The following LRP2 variants were observed in gnomAD, a reference collection of about 807,000 sequenced individuals.
LRP2 encodes the protein LDL receptor related protein 2.
Under a neutral mutation model 531.0 loss-of-function variants are expected in LRP2, and 172 were observed. The observed-to-expected ratio is 0.32, with a 90% confidence interval of 0.29 to 0.37. The LOEUF (loss-of-function observed/expected upper bound fraction) is 0.37. LRP2 is among the 10% of genes least tolerant of loss of function. The pLI, the probability that LRP2 is intolerant of heterozygous loss-of-function variation, is 1.00. For synonymous variants in LRP2, 1,992 were observed against 2,027.6 expected (o/e 0.98, Z 0.47); for missense variants, 5,167 against 5,868.3 (o/e 0.88, Z 3.90).
In LRP2 at chr2:169,283,008, T is replaced by C. The variant is rs1186981139; in HGVS notation, c.1043-7A>G. 1.2e-6 allele frequency: 2 copies of C among 1,613,898 alleles called. No homozygotes were observed. Among genetic ancestry groups the C allele is most frequent in the Non-Finnish European group, 1.7e-6 (2 of 1,179,854 alleles). On this transcript the variant is annotated splice_polypyrimidine_tract_variant and splice_region_variant and intron_variant, in intron 9 of 78. Coordinates refer to ENST00000649046, the MANE Select transcript of LRP2 (RefSeq NM_004525.3). ...ATCTGGCAATCATCAAACTCTGCCA[T>C]ATGGAAAATACACATTTGTAGTCAA... is the stretch of plus-strand genomic sequence containing the variant.
chr2:169,322,378 G>A (rs183848299), intron 1 of LRP2, among the ~76,000 whole-genome samples: 1 of 152,278 alleles, frequency 6.6e-6, no homozygotes, highest in African/African-American at 2.4e-5. Context: ...CAGAAACTTC[G>A]CTTGGCTAAA....
chr2:169,231,185 T>A (rs1689384121), intron 31 of LRP2, among the ~76,000 whole-genome samples: 1 of 151,630 alleles, frequency 6.6e-6, no homozygotes, highest in Admixed American at 6.6e-5. Flanking sequence ...TCTCATCTAC[T>A]CAGGAGGCTG....
At chr2:169,272,848 T>A in intron 15 of LRP2, 79 bp downstream of exon 15, 2 of 1,574,956 alleles carry the variant, frequency 1.3e-6, no homozygotes, top group Non-Finnish European at 1.7e-6. Flanking sequence ...AGTTCAAGAG[T>A]AGCAGTTAGT....
At position 169,227,483 on chromosome 2, in the gene LRP2, G is replaced by T. The variant is rs80314108; in HGVS notation, c.5228-895C>A. On this transcript the variant is annotated intron_variant, in intron 31 of 78. Transcript: ENST00000649046. Reference sequence around the variant, plus strand: ...TTATCCTGATCCCCATCAAGAGTGGGGTTTTAAAATTCCTCTCTGAGAAAA... The same window carrying T: ...TTATCCTGATCCCCATCAAGAGTGGTGTTTTAAAATTCCTCTCTGAGAAAA... 9.2e-3 allele frequency among the ~76,000 whole-genome samples: 1,405 copies of T among 152,024 alleles called. 25 individuals are homozygous for T. The highest frequency in any genetic ancestry group is 0.033 in the African/African-American group (1,351 of 41,466).
At position 169,162,479 on chromosome 2, in the gene LRP2, C is replaced by T; in HGVS notation, c.11880G>A (p.Leu3960=). The T allele has an allele frequency of 1.2e-6, 2 of 1,614,120 alleles. No individual in the cohort carries two copies. The change falls in exon 63 of 79, where the codon CTG becomes CTA. Residue 3960 remains leucine, a synonymous_variant. Transcript: ENST00000649046. ...ADDCGDWSDE[L]GCNKGKERTC... ...AAACAAGTGTTTACTTACTGCAACCCAGTTCATCGGACCAGTCACCACAGT... is the reference window on the plus strand; with the variant it reads ...AAACAAGTGTTTACTTACTGCAACCTAGTTCATCGGACCAGTCACCACAGT...
chr2:169,140,031 C>A (rs1477952599), intron 72 of LRP2, among the ~76,000 whole-genome samples: 4 of 152,234 alleles, frequency 2.6e-5, no homozygotes, highest in Non-Finnish European at 5.9e-5. Flanking sequence ...CCATCCCAGT[C>A]TTTCTGCTCA....
Position 169,239,615 on chromosome 2 carries a change from C to T in LRP2, c.4206G>A (p.Gln1402=), listed in dbSNP as rs1689732213. Reference sequence around the variant, plus strand: ...AAGAACCTCTCATATTGTAACAGTGCTGGCTACAAGAGCCTAGAATATCAC... The same window carrying T: ...AAGAACCTCTCATATTGTAACAGTGTTGGCTACAAGAGCCTAGAATATCAC... ...DECDILGSCS[Q]HCYNMRGSFR... Residue 1402 remains glutamine, a synonymous_variant, in exon 26 of 79, where the codon CAG becomes CAA. Coordinates refer to ENST00000649046, the MANE Select transcript of LRP2 (RefSeq NM_004525.3). The T allele has an allele frequency of 6.2e-7, 1 of 1,614,114 alleles. No individual in the cohort carries two copies. The highest frequency in any genetic ancestry group is 8.5e-7 in the Non-Finnish European group (1 of 1,179,964).
Position 169,187,843 on chromosome 2 carries a change from T to C in LRP2, c.9328+127A>G, listed in dbSNP as rs1349241611. ...GAAACTTTGGTAACCTTTTGCTATA[T>C]CAGGAATAGTGATTTTATGGTAACT... On this transcript the variant is annotated intron_variant, in intron 49 of 78. Coordinates refer to ENST00000649046, the MANE Select transcript of LRP2 (RefSeq NM_004525.3). 2.4e-5 allele frequency: 25 copies of C among 1,046,060 alleles called. No individual in the cohort carries two copies. The Admixed American group carries it at 4.1e-4, about 17-fold the overall frequency. 64.8% of individuals were successfully genotyped at this position (1,046,060 alleles called of 1,614,324 possible). A position where few individuals can be genotyped will look rare whatever the true frequency, so the allele number is the denominator to read the frequency against.
Position 169,244,644 on chromosome 2 carries a change from A to C in LRP2, c.3430+49T>G, listed in dbSNP as rs767371589. The C allele has an allele frequency of 5.0e-6, 8 of 1,613,184 alleles. No individual in the cohort carries two copies. The Admixed American group carries it at 1.2e-4, about 24-fold the overall frequency. ...GAATGCAAGGCCATTTGGTTGTTGA[A>C]GTCTATTTACGAGGCTGACCAACCA... On this transcript the variant is annotated intron_variant, in intron 22 of 78. Transcript: ENST00000649046.
rs1685179495 is a variant in LRP2, at chr2:169,128,709, G to A, written c.13922C>T (p.Thr4641Ile). Residue 4641 changes from threonine (T) to isoleucine (I), a missense_variant, in exon 79 of 79, where the codon ACT (threonine) becomes ATT (isoleucine). Thr to Ile is a moderately conservative substitution (Grantham distance 89). Around this residue, in one of 6 missense-constraint regions of LRP2, gnomAD observed 348 missense variants for 369.3 expected, o/e 0.94. Transcript: ENST00000649046. ...AACAAGATTTGCGGTGTCTTTAAAA[G>A]TGTCTTCTGTTGCAGAATAGGTTGG... is the stretch of plus-strand genomic sequence containing the variant. ...PTPTYSATED[T>I]FKDTANLVKE... 2 of 1,614,096 alleles carry A rather than the reference G, an allele frequency of 1.2e-6. No homozygotes were observed. The highest frequency in any genetic ancestry group is 4.5e-5 in the East Asian group (2 of 44,880).
At chr2:169,205,741 T>C in intron 40 of LRP2, 104 bp from the exon 41 acceptor site, 2 of 1,196,262 alleles carry the variant, frequency 1.7e-6, no homozygotes, top group South Asian at 2.5e-5. Flanking sequence ...GCCAGTAACA[T>C]GGCAAAAGAA....
chr2:169,309,755 G>T lies in LRP2; in HGVS notation c.311-2358C>A, dbSNP rs573803299. On this transcript the variant is annotated intron_variant, in intron 3 of 78. Transcript: ENST00000649046. ...CTTTAAAGTAGTTTTTTCCAATTCT[G>T]TGAAGAAAGTCATTGGTAGCTTGAT... Among the ~76,000 whole-genome samples, 1,331 of 152,206 alleles carry T rather than the reference G, an allele frequency of 8.7e-3. 14 individuals are homozygous for T. Among genetic ancestry groups the T allele is most frequent in the African/African-American group, 0.029 (1,210 of 41,526 alleles).
intron 16 of LRP2, among the ~76,000 whole-genome samples, chr2:169,261,347 T>C (rs1486397540): frequency 1.3e-5 from 2 of 151,940 alleles, no homozygotes; most frequent in Admixed American, 1.3e-4. Flanking sequence ...TTTTTCTTTT[T>C]CTTTAGAGAC....
At position 169,279,592 on chromosome 2, in the gene LRP2, A is replaced by C; in HGVS notation, c.1345T>G (p.Phe449Val). ...TTTAAACCATTAATGTCAACTGAAA[A>C]AACCTGAAAGAAAAACCAAAATTAT... ...FWTDTVQNKV[F>V]SVDINGLNIQ... Residue 449 changes from phenylalanine to valine, a missense_variant, in exon 12 of 79, where the codon TTT becomes GTT. By Grantham distance (50) the Phe-to-Val change is conservative. Coordinates refer to ENST00000649046, the MANE Select transcript of LRP2 (RefSeq NM_004525.3). 4 of 1,609,270 alleles carry C rather than the reference A, an allele frequency of 2.5e-6. No individual in the cohort carries two copies. The highest frequency in any genetic ancestry group is 2.6e-6 in the Non-Finnish European group (3 of 1,176,038).
At chr2:169,157,789 C>T (rs1361342964) in intron 63 of LRP2, among the ~76,000 whole-genome samples, 1 of 151,972 alleles carries the variant, frequency 6.6e-6, no homozygotes, top group Non-Finnish European at 1.5e-5. Flanking sequence ...TTCTGGACTG[C>T]ACAACTATGA....
At chr2:169,312,440 T>G (rs1684639065) in intron 3 of LRP2, among the ~76,000 whole-genome samples, 1 of 152,182 alleles carries the variant, frequency 6.6e-6, no homozygotes, top group African/African-American at 2.4e-5. Flanking sequence ...TGTAAAGGAT[T>G]TTATTTGTCC....
intron 13 of LRP2, among the ~76,000 whole-genome samples, chr2:169,276,857 TAA>T (rs1309238063): frequency 1.3e-5 from 2 of 152,068 alleles, no homozygotes; most frequent in East Asian, 3.9e-4. Context: ...TTTTTTACAT[TAA>T]GTTGTAGTTA....
intron 9 of LRP2, 142 bp from the exon 10 acceptor site, chr2:169,283,143 C>T: frequency 1.3e-6 from 1 of 786,628 alleles, no homozygotes; most frequent in Non-Finnish European, 2.2e-6. Flanking sequence ...GGCACAGGTT[C>T]TGAGAATTTA....
rs1409532506 is a variant in LRP2, at chr2:169,239,680, G to T, written c.4141C>A (p.Leu1381Ile). The change falls in exon 26 of 79, where the codon CTT becomes ATT. Residue 1381 changes from leucine to isoleucine, a missense_variant. Leu to Ile is a conservative substitution (Grantham distance 5). This residue lies in a region of LRP2 where 2,811 missense variants were observed against 3,058.0 expected (regional missense o/e 0.92). Coordinates refer to ENST00000649046, the MANE Select transcript of LRP2 (RefSeq NM_004525.3). ...AKCLCPLGFL[L>I]ANDSKTCEDI... ...TCACAGGTCTTAGAATCATTGGCAA[G>T]TAAGAATCCCAATGGACATAGGCAT... 1 of 1,613,520 alleles carries T rather than the reference G, an allele frequency of 6.2e-7. No individual in the cohort carries two copies. Among genetic ancestry groups the T allele is most frequent in the Non-Finnish European group, 8.5e-7 (1 of 1,179,418 alleles).
Sources: allele counts gnomAD v4.1 joint callset (sites outside exome capture counted in the v4.1 genomes callset), GRCh38; gene constraint gnomAD v4.1.1; regional missense constraint gnomAD v4.1.1; transcripts MANE v1.5; gene names NCBI Gene and HGNC (gene_info 2026-07-23, HGNC 2026-07-21).